The following SH3BGRL variants were observed in gnomAD, a reference collection of about 807,000 sequenced individuals.
SH3BGRL encodes SH3 domain binding glutamate rich protein like, also known as adapter SH3BGRL.
SH3BGRL carries 7 observed loss-of-function variants against 9.8 expected under a neutral mutation model. The ratio of observed to expected loss-of-function variants is 0.72; its 90% confidence interval spans 0.41 to 1.35. SH3BGRL has a LOEUF of 1.35. SH3BGRL is among the 40% of genes most tolerant of loss of function. The pLI, the probability that SH3BGRL is intolerant of heterozygous loss-of-function variation, is 0.01. For synonymous variants in SH3BGRL, 36 were observed against 29.1 expected, an observed-to-expected ratio of 1.24 and a Z score of -0.76; for missense variants, 73 against 84.4, an observed-to-expected ratio of 0.86 and a Z score of 0.53.
chrX:81,236,345 C>T (rs191773888), intron 1 of SH3BGRL, among the ~76,000 whole-genome samples: 4 of 111,565 alleles, frequency 3.6e-5, no homozygotes, highest in South Asian at 3.8e-4. Flanking sequence ...CTTCTATTAA[C>T]GGGTACCTAC....
chrX:81,259,126 T>C (rs1459514759), intron 1 of SH3BGRL, among the ~76,000 whole-genome samples: 2 of 112,149 alleles, frequency 1.8e-5, no homozygotes, highest in African/African-American at 6.5e-5. Flanking sequence ...CTGGAGAATT[T>C]AGCTACCAAA....
chrX:81,226,374 A>G (rs938618554), intron 1 of SH3BGRL, among the ~76,000 whole-genome samples: 1 of 108,211 alleles, frequency 9.2e-6, no homozygotes, highest in African/African-American at 3.3e-5. Context: ...TGGTGCATAT[A>G]TTTTATGCCC....
intron 1 of SH3BGRL, among the ~76,000 whole-genome samples, chrX:81,266,195 C>T (rs1054716731): frequency 8.9e-6 from 1 of 111,881 alleles, no homozygotes; most frequent in Non-Finnish European, 1.9e-5. Flanking sequence ...AGAAGCTCTT[C>T]AGTTTAATTA....
chrX:81,207,980 G>A, intron 1 of SH3BGRL, among the ~76,000 whole-genome samples: 1 of 111,616 alleles, frequency 9.0e-6, no homozygotes, highest in Non-Finnish European at 1.9e-5. Context: ...ATCTGGGCCG[G>A]GCACGGTGGC....
intron 1 of SH3BGRL, among the ~76,000 whole-genome samples, chrX:81,225,342 C>T (rs1311104185): frequency 1.8e-5 from 2 of 110,587 alleles, no homozygotes; most frequent in African/African-American, 3.3e-5. Context: ...TATATTACAT[C>T]GTGCACTCAT....
At chrX:81,244,658 CTTA>C (rs1602608450) in intron 1 of SH3BGRL, among the ~76,000 whole-genome samples, 2 of 111,203 alleles carry the variant, frequency 1.8e-5, no homozygotes, top group African/African-American at 6.6e-5. Flanking sequence ...ATTTAATTTT[CTTA>C]TTATACTTTT....
intron 1 of SH3BGRL, among the ~76,000 whole-genome samples, chrX:81,246,560 GGAAGTT>G (rs2075689512): frequency 9.0e-6 from 1 of 111,721 alleles, no homozygotes; most frequent in Non-Finnish European, 1.9e-5. Context: ...TTATTGAATA[GGAAGTT>G]CTTTCCAATT....
At chrX:81,286,997 G>A (rs1025123186) in intron 3 of SH3BGRL, among the ~76,000 whole-genome samples, 2 of 111,285 alleles carry the variant, frequency 1.8e-5, no homozygotes, top group African/African-American at 3.3e-5. Flanking sequence ...ATTTTGTTCT[G>A]GATTTCTATG....
rs937089887 is a variant in SH3BGRL at position 81,223,540 on chromosome X, AT to A, written c.45+21305del. Among the ~76,000 whole-genome samples, 43 of 107,435 alleles carry A rather than the reference AT, an allele frequency of 4.0e-4. No homozygotes were observed. The East Asian group carries it at 6.5e-3, about 16-fold the overall frequency. 93.3% of individuals were successfully genotyped at this position (107,435 alleles called of 115,157 possible). ...TGAAAAGCTTAAAATAAGTCTGATGATTTTTTTTTTCTTTTCTACCTCTCTT... is the reference window on the plus strand; with the variant it reads ...TGAAAAGCTTAAAATAAGTCTGATGATTTTTTTTTCTTTTCTACCTCTCTT... On this transcript the variant is annotated intron_variant, in intron 1 of 3. Coordinates refer to ENST00000373212, the MANE Select transcript of SH3BGRL (RefSeq NM_003022.3).
intron 1 of SH3BGRL, among the ~76,000 whole-genome samples, chrX:81,256,153 G>A (rs997162264): frequency 1.8e-5 from 2 of 112,098 alleles, no homozygotes; most frequent in Non-Finnish European, 3.8e-5. Context: ...CACTAGCTAA[G>A]TACATGAGTA....
At chrX:81,296,775 A>C (rs1170522755) in intron 3 of SH3BGRL, among the ~76,000 whole-genome samples, 2 of 111,835 alleles carry the variant, frequency 1.8e-5, no homozygotes, top group Non-Finnish European at 3.8e-5. Context: ...ATAAAACATG[A>C]AAACTACAAT....
chrX:81,282,467 A>G lies in SH3BGRL; in HGVS notation c.312+4056A>G, dbSNP rs191710585. On this transcript the variant is annotated intron_variant, in intron 3 of 3. Coordinates refer to ENST00000373212, the MANE Select transcript of SH3BGRL (RefSeq NM_003022.3). ...CAATAAATTTAAGAAAATTGATATTATATCAAGCACTTTCTGAGACCACAG... is the reference window on the plus strand; with the variant it reads ...CAATAAATTTAAGAAAATTGATATTGTATCAAGCACTTTCTGAGACCACAG... Among the ~76,000 whole-genome samples, 17 of 112,267 alleles carry G rather than the reference A, an allele frequency of 1.5e-4. No homozygotes were observed. The East Asian group carries it at 4.5e-3, about 29-fold the overall frequency.
intron 3 of SH3BGRL, among the ~76,000 whole-genome samples, chrX:81,279,877 A>G (rs2075810762): frequency 1.8e-5 from 2 of 111,879 alleles, no homozygotes; most frequent in African/African-American, 6.5e-5. Context: ...CAGACTTCAC[A>G]GGCAAGGGAA....
At chrX:81,237,026 C>T (rs1187388353) in intron 1 of SH3BGRL, 4 of 768,244 alleles carry the variant, frequency 5.2e-6, no homozygotes, top group Non-Finnish European at 6.7e-6. Context: ...GACTTGAAAC[C>T]ATGGAAATTA....
chrX:81,210,639 C>A (rs1362641159), intron 1 of SH3BGRL, among the ~76,000 whole-genome samples: 1 of 111,160 alleles, frequency 9.0e-6, no homozygotes, highest in Admixed American at 9.6e-5. Flanking sequence ...GTAAAGTACC[C>A]CCCAGGTTTG....
At chrX:81,294,865 C>T (rs1023517862) in intron 3 of SH3BGRL, among the ~76,000 whole-genome samples, 1 of 112,338 alleles carries the variant, frequency 8.9e-6, no homozygotes, top group African/African-American at 3.2e-5. Flanking sequence ...TCACTGTGAC[C>T]TGGATGTGAG....
chrX:81,270,772 A>G (rs1321392289), intron 1 of SH3BGRL, among the ~76,000 whole-genome samples: 1 of 112,095 alleles, frequency 8.9e-6, no homozygotes, highest in African/African-American at 3.2e-5. Context: ...GCTGCCAGGC[A>G]GTGAACTTTA....
chrX:81,215,709 C>A lies in SH3BGRL; in HGVS notation c.45+13464C>A, dbSNP rs1369187922. 2.7e-5 allele frequency among the ~76,000 whole-genome samples: 3 copies of A among 111,331 alleles called. No individual in the cohort carries two copies. The Admixed American group carries it at 2.9e-4, about 11-fold the overall frequency. On this transcript the variant is annotated intron_variant, in intron 1 of 3. Transcript: ENST00000373212. ...ATATATTCTGCCTACCCTTTCCAGT[C>A]CCCCTGACAATGATCTTCTTATTGA...
chrX:81,291,749 G>A (rs994072074), intron 3 of SH3BGRL, among the ~76,000 whole-genome samples: 4 of 112,294 alleles, frequency 3.6e-5, no homozygotes, highest in Non-Finnish European at 7.5e-5. Flanking sequence ...GATACAGTAG[G>A]AGTACAGGCA....
Sources: allele counts gnomAD v4.1 joint callset (sites outside exome capture counted in the v4.1 genomes callset), GRCh38; gene constraint gnomAD v4.1.1; transcripts MANE v1.5; gene names NCBI Gene and HGNC (gene_info 2026-07-23, HGNC 2026-07-21).